The following AP4S1 variants were observed in gnomAD, a reference collection of about 807,000 sequenced individuals.
AP4S1 encodes the protein AP-4 complex subunit sigma-1.
AP4S1 carries 23 observed loss-of-function variants against 19.8 expected under a neutral mutation model. That is an observed-to-expected ratio of 1.16 (90% CI 0.84 to 1.65). AP4S1 has a LOEUF of 1.65. Among genes scored for constraint, AP4S1 ranks in the 40% most tolerant of loss-of-function variants. AP4S1 has a pLI of 0.00. For missense variants in AP4S1, 166 were observed against 172.8 expected, an observed-to-expected ratio of 0.96 and a Z score of 0.22; for synonymous variants, 46 against 54.1, an observed-to-expected ratio of 0.85 and a Z score of 0.66.
intron 1 of AP4S1, among the ~76,000 whole-genome samples, chr14:31,047,838 C>T (rs1388269948): frequency 6.6e-6 from 1 of 152,014 alleles, no homozygotes; most frequent in African/African-American, 2.4e-5. Context: ...GATGTGACTG[C>T]CACACCCGGT....
At chr14:31,084,018 C>T (rs1887798289) in intron 5 of AP4S1, among the ~76,000 whole-genome samples, 2 of 152,174 alleles carry the variant, frequency 1.3e-5, no homozygotes, top group South Asian at 4.1e-4. Flanking sequence ...TAGCCAGGCA[C>T]CTACTGGAGC....
Position 31,055,811 on chromosome 14 carries a change from T to C in AP4S1, c.-71-10315T>C, listed in dbSNP as rs527963528. 4.6e-5 allele frequency among the ~76,000 whole-genome samples: 7 copies of C among 152,116 alleles called. No individual in the cohort carries two copies. The South Asian group carries it at 1.5e-3, about 32-fold the overall frequency. The stretch of plus-strand genomic sequence containing the variant: ...AGAAAGAATGTTAATTGTCATCAAC[T>C]ATCATTTTCTTTTTTTTTTTCTTTT... On this transcript the variant is annotated intron_variant, in intron 1 of 5. Transcript: ENST00000542754.
chr14:31,034,129 G>A (rs1471667588), intron 1 of AP4S1, among the ~76,000 whole-genome samples: 1 of 152,226 alleles, frequency 6.6e-6, no homozygotes. Context: ...AAGCAGCAGG[G>A]TGAGTATTCC....
chr14:31,045,447 G>C (rs1018921369), intron 1 of AP4S1, among the ~76,000 whole-genome samples: 2 of 152,092 alleles, frequency 1.3e-5, no homozygotes, highest in African/African-American at 4.8e-5. Flanking sequence ...TAGTGAGTGA[G>C]ATGACATCTG....
At chr14:31,042,857 CTT>C (rs1440553013) in intron 1 of AP4S1, among the ~76,000 whole-genome samples, 4 of 152,142 alleles carry the variant, frequency 2.6e-5, no homozygotes, top group African/African-American at 7.2e-5. Flanking sequence ...TGATGAGACT[CTT>C]TGGTCAGTTT....
chr14:31,080,460 A>G (rs147307302), intron 4 of AP4S1, 113 bp from the exon 5 acceptor site: 48 of 838,514 alleles, frequency 5.7e-5, no homozygotes, highest in Middle Eastern at 2.5e-4. Flanking sequence ...GCCCAGAAGC[A>G]GGTAGGAGAG....
intron 1 of AP4S1, among the ~76,000 whole-genome samples, chr14:31,032,219 T>C (rs1184448997): frequency 1.3e-5 from 2 of 152,138 alleles, no homozygotes; most frequent in Non-Finnish European, 2.9e-5. Flanking sequence ...TCATCTCTAC[T>C]AAAAACACAA....
intron 1 of AP4S1, among the ~76,000 whole-genome samples, chr14:31,055,537 A>G (rs1212800811): frequency 1.3e-5 from 2 of 152,196 alleles, no homozygotes; most frequent in African/African-American, 4.8e-5. Context: ...TATCTTGTCC[A>G]GGGTCACAAA....
rs183743119 is a variant in AP4S1, at chr14:31,031,947, A to G, written c.-72+6160A>G. 5.9e-5 allele frequency among the ~76,000 whole-genome samples: 9 copies of G among 152,166 alleles called. No individual in the cohort carries two copies. In the East Asian group the frequency reaches 1.2e-3, roughly 20 times the overall value. ...CCCTGTCTCTACAAAAAATAAAACA[A>G]TTAACTGGGCGTGGTGGCAGGTGCC... On this transcript the variant is annotated intron_variant, in intron 1 of 5. Coordinates refer to ENST00000542754, the MANE Select transcript of AP4S1 (RefSeq NM_001128126.3).
chr14:31,065,686 G>A (rs1313452185), intron 1 of AP4S1, among the ~76,000 whole-genome samples: 1 of 151,674 alleles, frequency 6.6e-6, no homozygotes, highest in African/African-American at 2.4e-5. Context: ...TTTGAGACAG[G>A]GTTTTGCTCT....
chr14:31,071,487 C>T (rs1886997840), intron 3 of AP4S1, among the ~76,000 whole-genome samples: 2 of 152,302 alleles, frequency 1.3e-5, no homozygotes, highest in Non-Finnish European at 2.9e-5. Context: ...ATGGCATGAT[C>T]TCGGCTCACT....
chr14:31,077,183 C>G (rs553049947), intron 4 of AP4S1, among the ~76,000 whole-genome samples: 7 of 152,240 alleles, frequency 4.6e-5, no homozygotes, highest in African/African-American at 1.7e-4. Context: ...GTGATCCGCC[C>G]GCCTCAGCCT....
chr14:31,056,777 T>C (rs2087852727), intron 1 of AP4S1, among the ~76,000 whole-genome samples: 1 of 152,216 alleles, frequency 6.6e-6, no homozygotes, highest in African/African-American at 2.4e-5. Context: ...TTAATGCTCA[T>C]TAAGCTCAAG....
At chr14:31,065,286 C>T (rs1011596301) in intron 1 of AP4S1, among the ~76,000 whole-genome samples, 4 of 152,204 alleles carry the variant, frequency 2.6e-5, no homozygotes, top group African/African-American at 9.6e-5. Flanking sequence ...CCTCAGTCTT[C>T]CCCTGTAGCT....
At chr14:31,074,065 G>A (rs999931946) in intron 4 of AP4S1, among the ~76,000 whole-genome samples, 7 of 151,048 alleles carry the variant, frequency 4.6e-5, no homozygotes, top group African/African-American at 1.2e-4. Flanking sequence ...TGTGGCTGAC[G>A]CCTGTAATCC....
Position 31,037,015 on chromosome 14 carries a change from T to C in AP4S1, c.-72+11228T>C, listed in dbSNP as rs931480001. On this transcript the variant is annotated intron_variant, in intron 1 of 5. Coordinates refer to ENST00000542754, the MANE Select transcript of AP4S1 (RefSeq NM_001128126.3). ...TTTTAGTAGAGACAGGGTTTCACCA[T>C]CTTGGCCAGGATGGTCTCGATCTCT... is the stretch of plus-strand genomic sequence containing the variant. Among the ~76,000 whole-genome samples the C allele has an allele frequency of 6.6e-6, 1 of 152,080 alleles. No homozygotes were observed. Among genetic ancestry groups the C allele is most frequent in the Admixed American group, 6.6e-5 (1 of 15,262 alleles).
intron 1 of AP4S1, among the ~76,000 whole-genome samples, chr14:31,036,946 G>A (rs932357309): frequency 1.1e-4 from 16 of 152,004 alleles, no homozygotes; most frequent in Admixed American, 3.3e-4. Flanking sequence ...CCAAGTAGCC[G>A]GAACTAGAGG....
intron 1 of AP4S1, among the ~76,000 whole-genome samples, chr14:31,036,141 A>G (rs1566511526): frequency 6.6e-6 from 1 of 152,138 alleles, no homozygotes; most frequent in Non-Finnish European, 1.5e-5. Context: ...TTTTAAAAAA[A>G]TAATCTAATA....
At chr14:31,073,473 G>A (rs186589847) in intron 4 of AP4S1, among the ~76,000 whole-genome samples, 77 of 147,382 alleles carry the variant, frequency 5.2e-4, no homozygotes, top group African/African-American at 1.6e-3. Flanking sequence ...CTGGGCAACA[G>A]AGCGAGACTC....
Sources: allele counts gnomAD v4.1 joint callset (sites outside exome capture counted in the v4.1 genomes callset), GRCh38; gene constraint gnomAD v4.1.1; transcripts MANE v1.5; gene names NCBI Gene and HGNC (gene_info 2026-07-23, HGNC 2026-07-21).